SCG2: variants seen among roughly 807,000 people sequenced by gnomAD.
SCG2 encodes secretogranin-2.
In SCG2, 23 loss-of-function variants were observed where a neutral mutation model predicts 49.5. The observed-to-expected ratio is 0.46, with a 90% CI of 0.33 to 0.66. SCG2 has a LOEUF of 0.66. Among genes scored for constraint, SCG2 ranks in the 30% least tolerant of loss-of-function variants. SCG2 has a pLI of 0.01. For missense variants in SCG2, 730 were observed against 728.2 expected, an observed-to-expected ratio of 1.00 and a Z score of -0.03; for synonymous variants, 288 against 260.4, an observed-to-expected ratio of 1.11 and a Z score of -1.02.
At chr2:223,602,187 T>C (rs1691401111) in intron 1 of SCG2, 98 bp downstream of exon 1, 1 of 152,236 alleles carries the variant, frequency 6.6e-6, no homozygotes, top group Non-Finnish European at 1.5e-5. Context: ...CCTATCGACA[T>C]AAGCTTGCCA....
At position 223,597,025 on chromosome 2, in the gene SCG2, TA is replaced by T. The variant is rs1691305985; in HGVS notation, c.*403del. Reference sequence around the variant, plus strand: ...ATAAAACTATATATTTATAATGCTTTATTTTTTTGGTCCAGTACTCCACAAA... The same window carrying T: ...ATAAAACTATATATTTATAATGCTTTTTTTTTTGGTCCAGTACTCCACAAA... On this transcript the variant is annotated 3_prime_UTR_variant, in exon 2 of 2. Coordinates refer to ENST00000305409, the MANE Select transcript of SCG2 (RefSeq NM_003469.5). 6.5e-6 allele frequency: 1 copy of T among 154,824 alleles called. No individual in the cohort carries two copies. Among genetic ancestry groups the T allele is most frequent in the Admixed American group, 6.5e-5 (1 of 15,390 alleles). The allele number at this position is 154,824 out of a possible 1,614,324, so 9.6% of individuals were successfully genotyped here.
At chr2:223,601,946 T>C (rs1691397444) in intron 1 of SCG2, among the ~76,000 whole-genome samples, 1 of 152,172 alleles carries the variant, frequency 6.6e-6, no homozygotes, top group Admixed American at 6.5e-5. Flanking sequence ...GTGGCAGAAA[T>C]AATAAATTTT....
In SCG2 at chr2:223,599,071, T is replaced by G; in HGVS notation, c.212A>C (p.Lys71Thr). The G allele has an allele frequency of 6.2e-7, 1 of 1,614,214 alleles. No individual in the cohort carries two copies. Among genetic ancestry groups the G allele is most frequent in the Non-Finnish European group, 8.5e-7 (1 of 1,180,022 alleles). The change falls in exon 2 of 2, where the codon AAG (lysine) becomes ACG (threonine). Residue 71 changes from lysine (K) to threonine (T), a missense_variant. Physicochemically the swap from Lys to Thr is moderately conservative, Grantham distance 78 (BLOSUM62 -1). Coordinates refer to ENST00000305409, the MANE Select transcript of SCG2 (RefSeq NM_003469.5). Reference sequence around the variant, plus strand: ...ATTATAATCTGGGCTGCTTTCTTCCTTATGAGCTTGTTGTCGGAGGTTTTC... The same window carrying G: ...ATTATAATCTGGGCTGCTTTCTTCCGTATGAGCTTGTTGTCGGAGGTTTTC... ...YIENLRQQAH[K>T]EESSPDYNPY...
rs544197667 is a variant in SCG2, at chr2:223,602,143, T to C, written c.-15+142A>G. The C allele has an allele frequency of 3.9e-5, 6 of 152,308 alleles. No individual in the cohort carries two copies. The East Asian group carries it at 7.7e-4, about 20-fold the overall frequency. The allele number at this position is 152,308 out of a possible 1,614,324, so 9.4% of individuals were successfully genotyped here. On this transcript the variant is annotated intron_variant, in intron 1 of 1. Transcript: ENST00000305409. ...TATACACATATGTAGTGTCCTTACA[T>C]TGGCTGATGAGCAGCAGGTTGCTAT...
intron 1 of SCG2, among the ~76,000 whole-genome samples, chr2:223,601,293 T>C (rs1478359024): frequency 6.6e-6 from 1 of 152,232 alleles, no homozygotes. Flanking sequence ...TGGGGTTTGA[T>C]TTAAAATTGA....
Position 223,601,447 on chromosome 2 carries a change from A to G in SCG2, c.-15+838T>C, listed in dbSNP as rs115124124. Among the ~76,000 whole-genome samples the G allele has an allele frequency of 7.1e-3, 1,085 of 152,354 alleles. 13 individuals carry two copies. The highest frequency in any genetic ancestry group is 0.025 in the African/African-American group (1,029 of 41,580). On this transcript the variant is annotated intron_variant, in intron 1 of 1. Transcript: ENST00000305409. ...GACTATATGTAATTTAAGCAATTCAACTAGTTGGGATACAGAAAAAATGAA... is the reference window on the plus strand; with the variant it reads ...GACTATATGTAATTTAAGCAATTCAGCTAGTTGGGATACAGAAAAAATGAA...
At position 223,599,234 on chromosome 2, in the gene SCG2, G is replaced by A. The variant is rs748834695; in HGVS notation, c.49C>T (p.Pro17Ser). The change falls in exon 2 of 2, where the codon CCT becomes TCT. Residue 17 changes from proline to serine, a missense_variant. Pro to Ser is a moderately conservative substitution (Grantham distance 74). Coordinates refer to ENST00000305409, the MANE Select transcript of SCG2 (RefSeq NM_003469.5). ...HWLGAALSLIPLIFLISGAEA... is the reference protein window; with the variant it reads ...HWLGAALSLISLIFLISGAEA... Reference sequence around the variant, plus strand: ...GCCCCAGAGATGAGGAAAATTAAAGGGATAAGAGACAGGGCTGCTCCAAGC... The same window carrying A: ...GCCCCAGAGATGAGGAAAATTAAAGAGATAAGAGACAGGGCTGCTCCAAGC... The A allele has an allele frequency of 6.2e-7, 1 of 1,605,986 alleles. No homozygotes were observed. The highest frequency in any genetic ancestry group is 1.7e-5 in the Admixed American group (1 of 59,900).
Position 223,597,446 on chromosome 2 carries a change from C to A in SCG2, c.1837G>T (p.Ala613Ser). 2 of 1,598,968 alleles carry A rather than the reference C, an allele frequency of 1.3e-6. No homozygotes were observed. The highest frequency in any genetic ancestry group is 1.1e-5 in the South Asian group (1 of 88,928). Residue 613 changes from alanine to serine, a missense_variant, in exon 2 of 2, where the codon GCA (alanine) becomes TCA (serine). Physicochemically the swap from Ala to Ser is moderately conservative, Grantham distance 99. Transcript: ENST00000305409. Reference protein sequence around the residue: ...EKGREHIAKRAMENM With the variant: ...EKGREHIAKRSMENM ...AAAGCAGCTTACATATTTTCCATTGCTCTCTTAGCAATATGCTCCCTTCCC... is the reference window on the plus strand; with the variant it reads ...AAAGCAGCTTACATATTTTCCATTGATCTCTTAGCAATATGCTCCCTTCCC...
Position 223,597,799 on chromosome 2 carries a change from T to A in SCG2, c.1484A>T (p.Glu495Val), listed in dbSNP as rs757986750. Reference sequence around the variant, plus strand: ...TTCTTGATCCTTGTCGTTCAGGTTTTCATATGCCATCTGTCTGTTTTCAAC... The same window carrying A: ...TTCTTGATCCTTGTCGTTCAGGTTTACATATGCCATCTGTCTGTTTTCAAC... The part of the protein sequence containing the change: ...PHVENRQMAY[E>V]NLNDKDQELG... Residue 495 changes from glutamate (E) to valine (V), a missense_variant, in exon 2 of 2, where the codon GAA becomes GTA. Coordinates refer to ENST00000305409, the MANE Select transcript of SCG2 (RefSeq NM_003469.5). 6.2e-6 allele frequency: 10 copies of A among 1,614,102 alleles called. No individual in the cohort carries two copies. The Admixed American group carries it at 1.7e-4, about 27-fold the overall frequency.
In SCG2 at chr2:223,598,090, T is replaced by C. The variant is rs1691327579; in HGVS notation, c.1193A>G (p.Asp398Gly). Residue 398 changes from aspartate (D) to glycine (G), a missense_variant, in exon 2 of 2, where the codon GAC becomes GGC. Physicochemically the swap from Asp to Gly is moderately conservative, Grantham distance 94. Coordinates refer to ENST00000305409, the MANE Select transcript of SCG2 (RefSeq NM_003469.5). ...PVDLDDISEA[D>G]LDHPDLFQNR... Reference sequence around the variant, plus strand: ...TTGGAACAGGTCTGGATGGTCTAAGTCAGCCTCTGAGATGTCATCTAGGTC... The same window carrying C: ...TTGGAACAGGTCTGGATGGTCTAAGCCAGCCTCTGAGATGTCATCTAGGTC... 6.2e-7 allele frequency: 1 copy of C among 1,605,524 alleles called. No homozygotes were observed. The highest frequency in any genetic ancestry group is 8.5e-7 in the Non-Finnish European group (1 of 1,175,700).
chr2:223,598,141 G>A lies in SCG2; in HGVS notation c.1142C>T (p.Pro381Leu), dbSNP rs372239904. 5.8e-5 allele frequency: 93 copies of A among 1,612,746 alleles called. No individual in the cohort carries two copies. The highest frequency in any genetic ancestry group is 1.8e-4 in the East Asian group (8 of 44,858). Residue 381 changes from proline (P) to leucine (L), a missense_variant, in exon 2 of 2, where the codon CCG becomes CTG. Transcript: ENST00000305409. ...AACAGGAAGGTCAAGCTCCCGCTCC[G>A]GTTCCACTGATCCATTCGGCTTCTC... ...TGEKPNGSVE[P>L]ERELDLPVDL...
In SCG2 at chr2:223,599,062, C is replaced by T; in HGVS notation, c.221G>A (p.Ser74Asn). The T allele has an allele frequency of 6.2e-7, 1 of 1,614,200 alleles. No homozygotes were observed. ...TTGGTAGGGATTATAATCTGGGCTGCTTTCTTCCTTATGAGCTTGTTGTCG... is the reference window on the plus strand; with the variant it reads ...TTGGTAGGGATTATAATCTGGGCTGTTTTCTTCCTTATGAGCTTGTTGTCG... The part of the protein sequence containing the change: ...NLRQQAHKEE[S>N]SPDYNPYQGV... The change falls in exon 2 of 2, where the codon AGC becomes AAC. Residue 74 changes from serine to asparagine, a missense_variant. Ser to Asn is a conservative substitution (Grantham distance 46, BLOSUM62 1). Transcript: ENST00000305409.
chr2:223,599,367 G>C, intron 1 of SCG2, 71 bp from the exon 2 acceptor site: 1 of 1,274,010 alleles, frequency 7.8e-7, no homozygotes, highest in Non-Finnish European at 1.1e-6. Flanking sequence ...AGAAATAATT[G>C]ATCATTGAGG....
rs1691341135 is a variant in SCG2 at position 223,598,614 on chromosome 2, T to C, written c.669A>G (p.Gln223=). 6.2e-7 allele frequency: 1 copy of C among 1,614,054 alleles called. No individual in the cohort carries two copies. Among genetic ancestry groups the C allele is most frequent in the African/African-American group, 1.3e-5 (1 of 74,944 alleles). ...NQKRERMDEE[Q]KLYTDDEDDI... ...CATCTTCATCATCCGTATAAAGTTT[T>C]TGCTCCTCATCCATCCTCTCACGTT... is the stretch of plus-strand genomic sequence containing the variant. Residue 223 remains glutamine, a synonymous_variant, in exon 2 of 2, where the codon CAA becomes CAG. Transcript: ENST00000305409.
rs1258770559 is a variant in SCG2 at position 223,599,073 on chromosome 2, A to G, written c.210T>C (p.His70=). The change falls in exon 2 of 2, where the codon CAT becomes CAC. Residue 70 remains histidine, a synonymous_variant. Coordinates refer to ENST00000305409, the MANE Select transcript of SCG2 (RefSeq NM_003469.5). ...EYIENLRQQA[H]KEESSPDYNP... ...TATAATCTGGGCTGCTTTCTTCCTT[A>G]TGAGCTTGTTGTCGGAGGTTTTCTA... 1.9e-6 allele frequency: 3 copies of G among 1,613,990 alleles called. No homozygotes were observed. The highest frequency in any genetic ancestry group is 2.5e-6 in the Non-Finnish European group (3 of 1,180,014).
chr2:223,597,384 G>C lies in SCG2; in HGVS notation c.*45C>G, dbSNP rs776621996. The C allele has an allele frequency of 6.5e-7, 1 of 1,538,402 alleles. No individual in the cohort carries two copies. The highest frequency in any genetic ancestry group is 8.7e-7 in the Non-Finnish European group (1 of 1,144,132). ...ACACTGAAGAGAAATGTTGGGATTTGCTTGGGGTGGGAGGAATGAAAGTAG... is the reference window on the plus strand; with the variant it reads ...ACACTGAAGAGAAATGTTGGGATTTCCTTGGGGTGGGAGGAATGAAAGTAG... On this transcript the variant is annotated 3_prime_UTR_variant, in exon 2 of 2. Transcript: ENST00000305409.
In SCG2 at chr2:223,597,375, T is replaced by C. The variant is rs1691311771; in HGVS notation, c.*54A>G. The C allele has an allele frequency of 6.5e-7, 1 of 1,532,338 alleles. No individual in the cohort carries two copies. The highest frequency in any genetic ancestry group is 1.4e-5 in the African/African-American group (1 of 72,360). The allele number at this position is 1,532,338 out of a possible 1,614,324, so 94.9% of individuals were successfully genotyped here. A position where few individuals can be genotyped will look rare whatever the true frequency, so the allele number is the denominator to read the frequency against. On this transcript the variant is annotated 3_prime_UTR_variant, in exon 2 of 2. Coordinates refer to ENST00000305409, the MANE Select transcript of SCG2 (RefSeq NM_003469.5). ...GAAGTCAACACACTGAAGAGAAATG[T>C]TGGGATTTGCTTGGGGTGGGAGGAA...
chr2:223,597,184 T>C lies in SCG2; in HGVS notation c.*245A>G, dbSNP rs1461192574. 2 of 377,240 alleles carry C rather than the reference T, an allele frequency of 5.3e-6. No individual in the cohort carries two copies. Among genetic ancestry groups the C allele is most frequent in the Non-Finnish European group, 9.4e-6 (2 of 211,744 alleles). The allele number at this position is 377,240 out of a possible 1,614,324, so 23.4% of individuals were successfully genotyped here. On this transcript the variant is annotated 3_prime_UTR_variant, in exon 2 of 2. Coordinates refer to ENST00000305409, the MANE Select transcript of SCG2 (RefSeq NM_003469.5). ...ATATACTATTAAACACAGTCATAGA[T>C]ATCTTTCTTGAATAATGGACATAAT...
intron 1 of SCG2, among the ~76,000 whole-genome samples, chr2:223,600,265 C>T (rs1350054608): frequency 6.6e-6 from 1 of 152,110 alleles, no homozygotes; most frequent in Non-Finnish European, 1.5e-5. Context: ...CTGTCTGTGT[C>T]TATTTTGGTA....
Sources: gnomAD v4.1 joint callset for allele counts (sites outside exome capture counted in the v4.1 genomes callset) on GRCh38, gnomAD v4.1.1 for gene constraint, MANE v1.5 for transcripts, NCBI Gene and HGNC (gene_info 2026-07-23, HGNC 2026-07-21) for gene names.